Variants in PEX14 observed in about 807,000 individuals in gnomAD.
The protein encoded by PEX14 is peroxisomal membrane protein PEX14.
In PEX14, 15 loss-of-function variants were observed where a neutral mutation model predicts 49.5. That is an observed-to-expected ratio of 0.30 (90% CI 0.20 to 0.47). PEX14 has a LOEUF of 0.47. PEX14 is among the 20% of genes least tolerant of loss of function. PEX14 has a pLI of 1.00. For synonymous variants in PEX14, 210 were observed against 212.7 expected, an observed-to-expected ratio of 0.99 and a Z score of 0.11; for missense variants, 398 against 494.8, an observed-to-expected ratio of 0.80 and a Z score of 1.86.
chr1:10,541,188 A>G lies in PEX14; in HGVS notation c.169+4891A>G, dbSNP rs79189701. 4.1e-3 allele frequency among the ~76,000 whole-genome samples: 628 copies of G among 152,330 alleles called. 5 individuals carry two copies. The highest frequency in any genetic ancestry group is 0.015 in the African/African-American group (611 of 41,572). ...ACAGTGGGCAAAATGTAGGGTGACA[A>G]CCAAGGGTTCTGGTTTGCCCAGAAT... On this transcript the variant is annotated intron_variant, in intron 3 of 8. Transcript: ENST00000356607.
Position 10,626,895 on chromosome 1 carries a change from A to T in PEX14, c.586-377A>T, listed in dbSNP as rs74052159. 2.5e-3 allele frequency among the ~76,000 whole-genome samples: 388 copies of T among 152,318 alleles called. 1 individual carries two copies. Among genetic ancestry groups the T allele is most frequent in the African/African-American group, 8.4e-3 (350 of 41,560 alleles). On this transcript the variant is annotated intron_variant, in intron 7 of 8. Coordinates refer to ENST00000356607, the MANE Select transcript of PEX14 (RefSeq NM_004565.3). ...AAAGGGGAAAGGTGTGCATGGAAGG[A>T]TGGGGTTTGTCAGAGATGGTGGCTG...
At chr1:10,555,174 G>C (rs897667274) in intron 3 of PEX14, among the ~76,000 whole-genome samples, 1 of 151,802 alleles carries the variant, frequency 6.6e-6, no homozygotes, top group Non-Finnish European at 1.5e-5. Context: ...GACCATTCCT[G>C]TCCGGGATAG....
chr1:10,619,661 A>G (rs974472056), intron 5 of PEX14, among the ~76,000 whole-genome samples: 2 of 152,160 alleles, frequency 1.3e-5, no homozygotes, highest in African/African-American at 4.8e-5. Context: ...CAGACTCGCC[A>G]TGGTCACTCT....
Position 10,494,142 on chromosome 1 carries a change from A to T in PEX14, c.37-1132A>T, listed in dbSNP as rs1357145023. The stretch of plus-strand genomic sequence containing the variant: ...TGAGGCTCTTGGGACAGGACTTCGG[A>T]TGGAGGGATAGAGGCCTTCACCCAG... On this transcript the variant is annotated intron_variant, in intron 1 of 8. Transcript: ENST00000356607. The surrounding 1 kb of genome is among the most constrained non-coding windows in gnomAD (Gnocchi z 4.3). Among the ~76,000 whole-genome samples the T allele has an allele frequency of 6.6e-6, 1 of 152,096 alleles. No individual in the cohort carries two copies. Among genetic ancestry groups the T allele is most frequent in the Non-Finnish European group, 1.5e-5 (1 of 68,028 alleles).
intron 3 of PEX14, among the ~76,000 whole-genome samples, chr1:10,576,302 C>T (rs944386892): frequency 6.6e-6 from 1 of 151,962 alleles, no homozygotes; most frequent in East Asian, 1.9e-4. Flanking sequence ...GTAATAATTA[C>T]AGTAACAGCT....
chr1:10,506,124 T>C (rs1641778491), intron 2 of PEX14, among the ~76,000 whole-genome samples: 1 of 152,176 alleles, frequency 6.6e-6, no homozygotes, highest in Non-Finnish European at 1.5e-5. Context: ...CTCTTGGTGC[T>C]CTGAACAAGG....
intron 3 of PEX14, among the ~76,000 whole-genome samples, chr1:10,554,416 C>G (rs1037950003): frequency 7.9e-5 from 12 of 152,148 alleles, no homozygotes; most frequent in Non-Finnish European, 1.6e-4. Context: ...AACTGACTTG[C>G]TGGGAGATCC....
At chr1:10,492,495 A>C (rs1267429494) in intron 1 of PEX14, among the ~76,000 whole-genome samples, 2 of 152,218 alleles carry the variant, frequency 1.3e-5, no homozygotes, top group Non-Finnish European at 2.9e-5. Flanking sequence ...ACCAGTTACT[A>C]TCTGAGTAAT....
intron 4 of PEX14, among the ~76,000 whole-genome samples, chr1:10,607,149 T>C (rs1641150272): frequency 1.3e-5 from 2 of 152,190 alleles, no homozygotes; most frequent in African/African-American, 4.8e-5. Context: ...TTGTACTCTC[T>C]TGTTTCTATT....
chr1:10,538,081 C>T (rs987441151), intron 3 of PEX14, among the ~76,000 whole-genome samples: 6 of 152,168 alleles, frequency 3.9e-5, no homozygotes, highest in African/African-American at 9.7e-5. Flanking sequence ...TCCCTGCCCT[C>T]GCAGAGCTTA....
chr1:10,577,544 A>ATATATATATATG (rs1460392136), intron 3 of PEX14, among the ~76,000 whole-genome samples: 1 of 5,798 alleles, frequency 1.7e-4, no homozygotes, highest in African/African-American at 3.8e-4. Context: ...ATATATATAT[A>ATATATATATATG]TATATATATA....
Position 10,497,313 on chromosome 1 carries a change from C to T in PEX14, c.84+1992C>T, listed in dbSNP as rs1287519305. Among the ~76,000 whole-genome samples the T allele has an allele frequency of 2.6e-5, 4 of 152,130 alleles. No homozygotes were observed. In the East Asian group the frequency reaches 7.7e-4, roughly 29 times the overall value. On this transcript the variant is annotated intron_variant, in intron 2 of 8. Transcript: ENST00000356607. ...GGGCGGGGGCACAAGATGGGCAGCC[C>T]CCTTGCACAGAAAGCCCCACAGCTC...
rs560082526 is a variant in PEX14 at position 10,505,466 on chromosome 1, T to G, written c.84+10145T>G. ...CTCAAAAACAAAACACAATCTTTTT[T>G]CCCCCCCTTTACCATACTTTTCCTT... On this transcript the variant is annotated intron_variant, in intron 2 of 8. Coordinates refer to ENST00000356607, the MANE Select transcript of PEX14 (RefSeq NM_004565.3). Among the ~76,000 whole-genome samples the G allele has an allele frequency of 2.6e-5, 4 of 152,170 alleles. No individual in the cohort carries two copies. In the East Asian group the frequency reaches 7.7e-4, roughly 29 times the overall value.
chr1:10,626,603 C>T (rs1641751633), intron 7 of PEX14, among the ~76,000 whole-genome samples: 1 of 152,250 alleles, frequency 6.6e-6, no homozygotes, highest in African/African-American at 2.4e-5. Flanking sequence ...CCTCTGCCCA[C>T]CTCGGGGGAG....
At position 10,628,523 on chromosome 1, in the gene PEX14, G is replaced by A. The variant is rs750603330; in HGVS notation, c.678-1008G>A. 1.3e-5 allele frequency among the ~76,000 whole-genome samples: 2 copies of A among 152,278 alleles called. No homozygotes were observed. Among genetic ancestry groups the A allele is most frequent in the Non-Finnish European group, 2.9e-5 (2 of 68,054 alleles). On this transcript the variant is annotated intron_variant, in intron 8 of 8. Transcript: ENST00000356607. This position sits in a 1 kb window ranked among gnomAD's most constrained non-coding sequence, Gnocchi z 4.5. ...TCCCTGAGGAAAAGAACATGTCCTG[G>A]AAAGAGATGTGGCGCTGGCAGAGGC...
At chr1:10,599,446 C>T (rs1640923417) in intron 4 of PEX14, 80 bp downstream of exon 4, 1 of 1,516,916 alleles carries the variant, frequency 6.6e-7, no homozygotes. Context: ...CTGTATCTCC[C>T]AGACTTAGCA....
Position 10,475,010 on chromosome 1 carries a change from G to A in PEX14, c.36+8G>A, listed in dbSNP as rs200154696. 1,737 of 1,608,126 alleles carry A rather than the reference G, an allele frequency of 1.1e-3. 6 individuals are homozygous for A. In the Middle Eastern group the frequency reaches 0.018, roughly 17 times the overall value. ...GCAGAGCAGCCGAGCCAGGTAAGGG[G>A]AGTGGGACTGCCCCGCTGTGCGGCG... On this transcript the variant is annotated splice_region_variant and intron_variant, in intron 1 of 8. Transcript: ENST00000356607.
intron 2 of PEX14, among the ~76,000 whole-genome samples, chr1:10,506,339 G>T (rs1386575259): frequency 6.6e-6 from 1 of 152,164 alleles, no homozygotes; most frequent in Non-Finnish European, 1.5e-5. Context: ...GAGTGCAATG[G>T]CATGATCTTG....
At chr1:10,598,414 T>TC (rs1201958965) in intron 3 of PEX14, among the ~76,000 whole-genome samples, 3 of 152,222 alleles carry the variant, frequency 2.0e-5, no homozygotes, top group African/African-American at 7.2e-5. Flanking sequence ...CCCAGCTGTG[T>TC]CCCCACTGGA....
Sources: gnomAD v4.1 joint callset for allele counts (sites outside exome capture counted in the v4.1 genomes callset) on GRCh38, gnomAD v4.1.1 for gene constraint, Gnocchi (gnomAD v3.1) non-coding constraint, MANE v1.5 for transcripts, NCBI Gene and HGNC (gene_info 2026-07-23, HGNC 2026-07-21) for gene names.